ZNF346: variants seen among roughly 807,000 people sequenced by gnomAD.
ZNF346 encodes zinc finger protein 346, also known as double-stranded RNA-binding zinc finger protein JAZ.
Under a neutral mutation model 33.7 loss-of-function variants are expected in ZNF346, and 23 were observed. The observed-to-expected ratio is 0.68, with a 90% CI of 0.49 to 0.97. The LOEUF (loss-of-function observed/expected upper bound fraction) is 0.97, where lower values mean the gene tolerates loss of function less well. Among genes scored for constraint, ZNF346 ranks in the 50% least tolerant of loss-of-function variants. ZNF346 has a pLI of 0.00. For missense variants in ZNF346, 340 were observed against 371.1 expected, an observed-to-expected ratio of 0.92 and a Z score of 0.69; for synonymous variants, 134 against 142.4, an observed-to-expected ratio of 0.94 and a Z score of 0.42.
In ZNF346 at chr5:177,040,332, C is replaced by T. The variant is rs1779173685; in HGVS notation, c.176-794C>T. Among the ~76,000 whole-genome samples, 6 of 151,876 alleles carry T rather than the reference C, an allele frequency of 4.0e-5. No individual in the cohort carries two copies. The South Asian group carries it at 8.3e-4, about 21-fold the overall frequency. The stretch of plus-strand genomic sequence containing the variant: ...CATATAGTGTGGCACTTATATAATA[C>T]GTTATGTGATTTTATTTTATTTATT... On this transcript the variant is annotated intron_variant, in intron 1 of 6. Transcript: ENST00000358149.
chr5:177,058,853 C>G (rs1310216024), intron 5 of ZNF346, among the ~76,000 whole-genome samples: 2 of 152,188 alleles, frequency 1.3e-5, no homozygotes, highest in Non-Finnish European at 2.9e-5. Flanking sequence ...CTAGAATATG[C>G]AGGTAATGAC....
downstream of ZNF346, among the ~76,000 whole-genome samples, chr5:177,069,283 C>T (rs1192293125): frequency 6.6e-6 from 1 of 151,294 alleles, no homozygotes; most frequent in Non-Finnish European, 1.5e-5. Flanking sequence ...ATGGTGAAAC[C>T]CTGTCTCTAC....
intron 5 of ZNF346, among the ~76,000 whole-genome samples, chr5:177,060,239 G>A (rs932513422): frequency 6.6e-6 from 1 of 152,292 alleles, no homozygotes; most frequent in Non-Finnish European, 1.5e-5. Context: ...TTACCCAGGT[G>A]TGGCCAGGCA....
At chr5:177,057,820 A>G (rs112864122) in intron 5 of ZNF346, among the ~76,000 whole-genome samples, 15 of 70,758 alleles carry the variant, frequency 2.1e-4, no homozygotes, top group South Asian at 4.0e-4. Context: ...TTATTTATTT[A>G]TTTATTTATT....
At chr5:177,042,029 A>T (rs1294745353) in intron 3 of ZNF346, 159 bp downstream of exon 3, 1 of 532,374 alleles carries the variant, frequency 1.9e-6, no homozygotes, top group African/African-American at 1.9e-5. Flanking sequence ...CTTCCTCTAT[A>T]AAAATGAGGA....
intron 1 of ZNF346, among the ~76,000 whole-genome samples, chr5:177,025,416 A>G (rs1462512317): frequency 6.7e-6 from 1 of 150,032 alleles, no homozygotes; most frequent in Non-Finnish European, 1.5e-5. Context: ...TCTTGAGTAT[A>G]TCCCTAAGAG....
intron 5 of ZNF346, among the ~76,000 whole-genome samples, chr5:177,058,488 A>G (rs1439763032): frequency 6.6e-6 from 1 of 152,038 alleles, no homozygotes; most frequent in Non-Finnish European, 1.5e-5. Context: ...ATAAAATAAA[A>G]TAAAATAACT....
At chr5:177,044,824 A>G (rs1419976350) in intron 4 of ZNF346, among the ~76,000 whole-genome samples, 2 of 152,188 alleles carry the variant, frequency 1.3e-5, no homozygotes, top group Non-Finnish European at 2.9e-5. Flanking sequence ...CACGCATACC[A>G]TGAGAGCATT....
chr5:177,061,051 G>T (rs533369684), intron 5 of ZNF346, among the ~76,000 whole-genome samples: 26 of 152,134 alleles, frequency 1.7e-4, no homozygotes, highest in Admixed American at 3.3e-4. Context: ...GGCGGAGCTT[G>T]CCGTGAGCCA....
chr5:177,074,469 C>G (rs989565050), intron 8 of ZNF346, among the ~76,000 whole-genome samples: 2 of 152,102 alleles, frequency 1.3e-5, no homozygotes, highest in African/African-American at 4.8e-5. Context: ...TGTTGGGAAC[C>G]AGGATCAAGC....
chr5:177,041,241 T>C lies in ZNF346; in HGVS notation c.279+12T>C. ...TGGCACATTACCAGGTATGCCATCA[T>C]ACTTTTAGAACTGCGTTTCTTTTCA... On this transcript the variant is annotated intron_variant, in intron 2 of 6. Transcript: ENST00000358149. 4 of 1,607,248 alleles carry C rather than the reference T, an allele frequency of 2.5e-6. No homozygotes were observed. The highest frequency in any genetic ancestry group is 3.4e-6 in the Non-Finnish European group (4 of 1,173,716).
At chr5:177,039,300 A>G (rs923333675) in intron 1 of ZNF346, among the ~76,000 whole-genome samples, 15 of 152,162 alleles carry the variant, frequency 9.9e-5, no homozygotes, top group African/African-American at 3.6e-4. Flanking sequence ...AAAATTTACC[A>G]TTTAAAAGAA....
At chr5:177,039,192 C>A (rs753572666) in intron 1 of ZNF346, among the ~76,000 whole-genome samples, 1 of 152,042 alleles carries the variant, frequency 6.6e-6, no homozygotes, top group Non-Finnish European at 1.5e-5. Flanking sequence ...TGCCTGGCCA[C>A]CTCTGACCCT....
chr5:177,037,425 A>G (rs1161002651), intron 1 of ZNF346, among the ~76,000 whole-genome samples: 2 of 152,098 alleles, frequency 1.3e-5, no homozygotes, highest in African/African-American at 2.4e-5. Context: ...ATCTCCACCT[A>G]TATATCTGAT....
intron 1 of ZNF346, among the ~76,000 whole-genome samples, chr5:177,024,577 G>T (rs1046086570): frequency 1.3e-5 from 2 of 152,054 alleles, no homozygotes; most frequent in Non-Finnish European, 2.9e-5. Context: ...ACTCACTGAT[G>T]CCTGCTCTGG....
At chr5:177,050,636 A>G in intron 4 of ZNF346, 115 bp from the exon 5 acceptor site, 2 of 1,113,736 alleles carry the variant, frequency 1.8e-6, no homozygotes, top group Middle Eastern at 2.0e-4. Context: ...CTTTCTATTC[A>G]GCATACTCAA....
intron 2 of ZNF346, 121 bp downstream of exon 2, chr5:177,041,350 C>A: frequency 1.3e-6 from 1 of 763,618 alleles, no homozygotes; most frequent in Admixed American, 2.2e-5. Context: ...TGCCTCCATG[C>A]ATGTTGGCTT....
intron 1 of ZNF346, among the ~76,000 whole-genome samples, chr5:177,028,256 CT>C (rs1464146006): frequency 6.7e-6 from 1 of 149,670 alleles, no homozygotes; most frequent in African/African-American, 2.5e-5. Context: ...CCAGGCTGGT[CT>C]TGAACTCCTC....
chr5:177,023,132 C>T (rs1168275444), intron 1 of ZNF346: 2 of 1,404,436 alleles, frequency 1.4e-6, no homozygotes, highest in Non-Finnish European at 1.9e-6. Flanking sequence ...CCTGGGTTTT[C>T]CTCCTCCTCC....
Sources: gnomAD v4.1 joint callset for allele counts (sites outside exome capture counted in the v4.1 genomes callset) on GRCh38, gnomAD v4.1.1 for gene constraint, MANE v1.5 for transcripts, NCBI Gene and HGNC (gene_info 2026-07-23, HGNC 2026-07-21) for gene names.